Variants in ERBB4 observed in about 807,000 individuals in gnomAD.
The protein encoded by ERBB4 is erb-b2 receptor tyrosine kinase 4, also known as receptor tyrosine-protein kinase erbB-4.
Under a neutral mutation model 158.0 loss-of-function variants are expected in ERBB4, and 42 were observed. The observed-to-expected ratio is 0.27, with a 90% CI of 0.21 to 0.34. The LOEUF (loss-of-function observed/expected upper bound fraction) is 0.34, where lower values mean the gene tolerates loss of function less well. Among genes scored for constraint, ERBB4 ranks in the 10% least tolerant of loss-of-function variants. ERBB4 has a pLI of 1.00. For missense variants in ERBB4, 1,333 were observed against 1,624.1 expected, an observed-to-expected ratio of 0.82 and a Z score of 3.08; for synonymous variants, 583 against 558.7, an observed-to-expected ratio of 1.04 and a Z score of -0.61.
rs1369649105 is a variant in ERBB4, at chr2:211,619,275, C to A, written c.2203G>T (p.Gly735Cys). ...GSGAFGTVYKGIWVPEGETVK... is the reference protein window; with the variant it reads ...GSGAFGTVYKCIWVPEGETVK... ...GTTTCTCCTTCAGGTACCCAAATAC[C>A]CTTTGGGGAAAAAAATTTACATTAA... The change falls in exon 19 of 28, where the codon GGT (glycine) becomes TGT (cysteine). Residue 735 changes from glycine to cysteine, a missense_variant and splice_region_variant. By Grantham distance (159) the Gly-to-Cys change is radical. This residue lies in a region of ERBB4 where 314 missense variants were observed against 437.6 expected (regional missense o/e 0.72). Transcript: ENST00000342788. The A allele has an allele frequency of 3.8e-6, 6 of 1,578,486 alleles. No homozygotes were observed. The highest frequency in any genetic ancestry group is 5.2e-6 in the Non-Finnish European group (6 of 1,148,086).
At chr2:212,097,143 T>C (rs2078955803) in intron 2 of ERBB4, among the ~76,000 whole-genome samples, 1 of 152,066 alleles carries the variant, frequency 6.6e-6, no homozygotes. Context: ...GTTGTTCCCA[T>C]AAGATAATCA....
intron 16 of ERBB4, among the ~76,000 whole-genome samples, chr2:211,636,197 T>C (rs969636451): frequency 6.6e-6 from 1 of 151,812 alleles, no homozygotes; most frequent in Non-Finnish European, 1.5e-5. Flanking sequence ...TTTTGTAAAA[T>C]AAACTTTGCA....
At chr2:211,653,489 G>A (rs1033617060) in intron 16 of ERBB4, among the ~76,000 whole-genome samples, 2 of 42,706 alleles carry the variant, frequency 4.7e-5, no homozygotes, top group East Asian at 1.5e-3. Context: ...CCCCCCCCAC[G>A]CCCGCCCCGC....
intron 1 of ERBB4, among the ~76,000 whole-genome samples, chr2:212,446,465 C>T (rs780459782): frequency 3.3e-5 from 5 of 149,382 alleles, no homozygotes; most frequent in East Asian, 2.0e-4. Flanking sequence ...CCTCAGACAT[C>T]GAACTCCACG....
chr2:211,992,719 C>T (rs957440140), intron 2 of ERBB4, among the ~76,000 whole-genome samples: 1 of 152,068 alleles, frequency 6.6e-6, no homozygotes, highest in Non-Finnish European at 1.5e-5. Flanking sequence ...TTGTGGACAC[C>T]GCATGTACCT....
intron 1 of ERBB4, among the ~76,000 whole-genome samples, chr2:212,316,169 T>C (rs1278866496): frequency 6.6e-6 from 1 of 151,482 alleles, no homozygotes; most frequent in African/African-American, 2.4e-5. Context: ...CTTTTACTAC[T>C]TTTCTCCTAA....
At chr2:212,178,394 A>G (rs59011631) in intron 1 of ERBB4, among the ~76,000 whole-genome samples, 3,431 of 151,802 alleles carry the variant, frequency 0.023, 124 homozygotes, top group African/African-American at 0.079. Flanking sequence ...TTATGTAAAG[A>G]AGGAGGAAAG....
intron 2 of ERBB4, among the ~76,000 whole-genome samples, chr2:212,071,660 A>T (rs1248912844): frequency 6.6e-6 from 1 of 152,020 alleles, no homozygotes; most frequent in Non-Finnish European, 1.5e-5. Context: ...TTAACAACAG[A>T]TGTACAAAGT....
intron 2 of ERBB4, among the ~76,000 whole-genome samples, chr2:211,956,929 G>C (rs2081051022): frequency 6.6e-6 from 1 of 151,956 alleles, no homozygotes; most frequent in Non-Finnish European, 1.5e-5. Context: ...TGAACTCTGG[G>C]TTCAAGAGAT....
At chr2:211,655,717 G>C (rs1453334614) in intron 16 of ERBB4, among the ~76,000 whole-genome samples, 1 of 152,114 alleles carries the variant, frequency 6.6e-6, no homozygotes, top group African/African-American at 2.4e-5. Flanking sequence ...ATAAATATAG[G>C]AACAATCTAA....
chr2:211,579,726 C>T (rs1390757512), intron 19 of ERBB4, among the ~76,000 whole-genome samples: 3 of 151,360 alleles, frequency 2.0e-5, no homozygotes, highest in Admixed American at 6.6e-5. Context: ...CATGTTCTCA[C>T]TTATAAGTGG....
chr2:212,237,585 G>T (rs1053132639), intron 1 of ERBB4, among the ~76,000 whole-genome samples: 1 of 152,132 alleles, frequency 6.6e-6, no homozygotes, highest in Non-Finnish European at 1.5e-5. Context: ...GCAGTCTGTC[G>T]CTTATCAGAG....
intron 1 of ERBB4, among the ~76,000 whole-genome samples, chr2:212,320,043 A>C (rs11891107): frequency 0.94 from 141,252 of 149,708 alleles, 67,168 homozygotes; most frequent in African/African-American, 0.99. Flanking sequence ...GTTGTTTCTG[A>C]ATCTTAAAGC....
intron 1 of ERBB4, among the ~76,000 whole-genome samples, chr2:212,479,455 A>G (rs1689574917): frequency 6.6e-6 from 1 of 152,192 alleles, no homozygotes; most frequent in Non-Finnish European, 1.5e-5. Context: ...CAATTTAAGA[A>G]AAGCAACTTT....
intron 13 of ERBB4, among the ~76,000 whole-genome samples, chr2:211,674,231 T>G (rs979906483): frequency 6.6e-6 from 1 of 152,162 alleles, no homozygotes; most frequent in African/African-American, 2.4e-5. Flanking sequence ...TATTTTGTGC[T>G]TTTGTGTCCT....
intron 15 of ERBB4, among the ~76,000 whole-genome samples, chr2:211,658,328 A>T (rs1175669485): frequency 1.3e-5 from 2 of 152,170 alleles, no homozygotes; most frequent in Non-Finnish European, 2.9e-5. Flanking sequence ...TATTTCAATG[A>T]CTATAATTGT....
At chr2:211,416,419 A>G (rs1407554079) in intron 25 of ERBB4, among the ~76,000 whole-genome samples, 1 of 152,220 alleles carries the variant, frequency 6.6e-6, no homozygotes, top group Non-Finnish European at 1.5e-5. Flanking sequence ...TCTAGAGAAA[A>G]GAAGGCCGCA....
At chr2:211,560,944 G>A (rs182921099) in intron 20 of ERBB4, among the ~76,000 whole-genome samples, 10 of 151,794 alleles carry the variant, frequency 6.6e-5, no homozygotes, top group Admixed American at 5.9e-4. Context: ...TATTATTTTG[G>A]CATTTATATT....
chr2:212,190,146 A>G (rs1035705326), intron 1 of ERBB4, among the ~76,000 whole-genome samples: 9 of 152,240 alleles, frequency 5.9e-5, no homozygotes, highest in Admixed American at 5.9e-4. Flanking sequence ...AAAAATTTTC[A>G]AATTTCAAAT....
Sources: allele counts gnomAD v4.1 joint callset (sites outside exome capture counted in the v4.1 genomes callset), GRCh38; gene constraint gnomAD v4.1.1; regional missense constraint gnomAD v4.1.1; transcripts MANE v1.5; gene names NCBI Gene and HGNC (gene_info 2026-07-23, HGNC 2026-07-21).